Variants in APEH observed in about 807,000 individuals in gnomAD.
The protein encoded by APEH is acylaminoacyl-peptide hydrolase.
A neutral mutation model predicts 102.7 loss-of-function variants in APEH; 75 were observed. That is an observed-to-expected ratio of 0.73 (90% CI 0.61 to 0.89). The LOEUF (loss-of-function observed/expected upper bound fraction) is 0.89. Among genes scored for constraint, APEH ranks in the 40% least tolerant of loss-of-function variants. The pLI, the probability that APEH is intolerant of heterozygous loss-of-function variation, is 0.00. For missense variants in APEH, 863 were observed against 941.2 expected (o/e 0.92, Z 1.09); for synonymous variants, 344 against 362.7 (o/e 0.95, Z 0.59).
At chr3:49,680,382 C>T in intron 13 of APEH, 159 bp from the exon 14 acceptor site, 1 of 628,916 alleles carries the variant, frequency 1.6e-6, no homozygotes, top group South Asian at 1.8e-5. Flanking sequence ...GCAGGAGGCT[C>T]ACCCGGGGCC....
chr3:49,681,786 C>T lies in APEH; in HGVS notation c.1503C>T (p.Pro501=). 6.2e-7 allele frequency: 1 copy of T among 1,611,456 alleles called. No individual in the cohort carries two copies. Among genetic ancestry groups the T allele is most frequent in the Non-Finnish European group, 8.5e-7 (1 of 1,178,262 alleles). The part of the protein sequence containing the change: ...PGSPPDKTQV[P]MVVMPHGGPH... ...GCCCTCCAGATAAGACCCAAGTGCC[C>T]ATGGTGGTCATGCCCCACGGTAGGC... Residue 501 remains proline (P), a synonymous_variant, in exon 16 of 22, where the codon CCC becomes CCT. Transcript: ENST00000296456.
intron 16 of APEH, 39 bp downstream of exon 16, chr3:49,681,844 C>G (rs1157449279): frequency 6.2e-7 from 1 of 1,610,158 alleles, no homozygotes; most frequent in African/African-American, 1.3e-5. Flanking sequence ...CCTCCCAGCC[C>G]TCTTCCTAGC....
At position 49,677,029 on chromosome 3, in the gene APEH, G is replaced by A; in HGVS notation, c.999+5G>A. Reference sequence around the variant, plus strand: ...CAATGCAGCCAGCTGTGCCTGGTGAGCTGGAGGTGGCAGGGATGGGAGGGT... The same window carrying A: ...CAATGCAGCCAGCTGTGCCTGGTGAACTGGAGGTGGCAGGGATGGGAGGGT... On this transcript the variant is annotated splice_donor_5th_base_variant and intron_variant, in intron 10 of 21. Coordinates refer to ENST00000296456, the MANE Select transcript of APEH (RefSeq NM_001640.4). 6.2e-7 allele frequency: 1 copy of A among 1,614,056 alleles called. No individual in the cohort carries two copies. Among genetic ancestry groups the A allele is most frequent in the South Asian group, 1.1e-5 (1 of 91,088 alleles).
chr3:49,674,347 C>A, upstream of APEH: 1 of 1,534,218 alleles, frequency 6.5e-7, no homozygotes. Context: ...CCCCCGGAAG[C>A]CTCACTTCCG....
intron 3 of APEH, 159 bp downstream of exon 3, chr3:49,675,468 G>A (rs533252648): frequency 8.6e-7 from 1 of 1,165,242 alleles, no homozygotes; most frequent in African/African-American, 1.5e-5. Flanking sequence ...GATAAGCACT[G>A]GAAGCTTGCT....
At chr3:49,676,350 C>T in intron 6 of APEH, 28 bp from the exon 7 acceptor site, 5 of 1,613,986 alleles carry the variant, frequency 3.1e-6, no homozygotes, top group Non-Finnish European at 4.2e-6. Context: ...TATAGACAGG[C>T]TGGGCATTGA....
rs777948366 is a variant in APEH, at chr3:49,682,301, C to T, written c.1604-47C>T. On this transcript the variant is annotated intron_variant, in intron 17 of 21. Transcript: ENST00000296456. Reference sequence around the variant, plus strand: ...ATGTGTGAAAAGAGCGTCGAGGGGGCTGGGAATGTTGCCTGACTACACTGT... The same window carrying T: ...ATGTGTGAAAAGAGCGTCGAGGGGGTTGGGAATGTTGCCTGACTACACTGT... The T allele has an allele frequency of 7.6e-5, 116 of 1,533,442 alleles. 1 individual carries two copies. Among genetic ancestry groups the T allele is most frequent in the Non-Finnish European group, 1.0e-4 (113 of 1,114,000 alleles). 95.0% of individuals were successfully genotyped at this position (1,533,442 alleles called of 1,614,324 possible).
At position 49,679,638 on chromosome 3, in the gene APEH, A is replaced by C; in HGVS notation, c.1204A>C (p.Thr402Pro). 1 of 1,613,760 alleles carries C rather than the reference A, an allele frequency of 6.2e-7. No individual in the cohort carries two copies. The highest frequency in any genetic ancestry group is 8.5e-7 in the Non-Finnish European group (1 of 1,179,746). ...DTQVGTVTSLTAGGSGGSWKL... is the reference protein window; with the variant it reads ...DTQVGTVTSLPAGGSGGSWKL... ...CCAAGTGGGCACTGTGACCTCCCTC[A>C]CAGCTGGTGAGCAAGGCTTTGGGGA... The change falls in exon 13 of 22, where the codon ACA (threonine) becomes CCA (proline). Residue 402 changes from threonine (T) to proline (P), a missense_variant. Coordinates refer to ENST00000296456, the MANE Select transcript of APEH (RefSeq NM_001640.4). This position sits in a 1 kb window ranked among gnomAD's most constrained non-coding sequence, Gnocchi z 4.3.
intron 20 of APEH, 25 bp downstream of exon 20, chr3:49,682,970 T>G: frequency 1.2e-6 from 2 of 1,611,526 alleles, no homozygotes; most frequent in Non-Finnish European, 1.7e-6. Context: ...CCTTGCCCTG[T>G]GTGCTGCCCA....
At chr3:49,677,154 G>T (rs992547351) in intron 10 of APEH, 130 bp downstream of exon 10, 4 of 1,339,380 alleles carry the variant, frequency 3.0e-6, no homozygotes, top group South Asian at 2.7e-5. Flanking sequence ...TGCAGCAGCG[G>T]TGTGAGTTCT....
At chr3:49,674,229 T>C, upstream of APEH, 1 of 846,194 alleles carries the variant, frequency 1.2e-6, no homozygotes, top group Non-Finnish European at 1.8e-6. Context: ...CCTCTCACCG[T>C]CAAGGCCCGC....
chr3:49,674,764 C>T (rs2052942687), intron 2 of APEH, 143 bp downstream of exon 2: 3 of 1,201,954 alleles, frequency 2.5e-6, no homozygotes, highest in Non-Finnish European at 2.3e-6. Context: ...TCCCACAGGT[C>T]CCTGCACACA....
rs140712255 is a variant in APEH, at chr3:49,678,924, T to C, written c.1133T>C (p.Phe378Ser). 5.6e-6 allele frequency: 9 copies of C among 1,613,712 alleles called. No individual in the cohort carries two copies. The highest frequency in any genetic ancestry group is 5.3e-5 in the African/African-American group (4 of 74,908). Residue 378 changes from phenylalanine to serine, a missense_variant, in exon 12 of 22, where the codon TTT becomes TCT. By Grantham distance (155) the Phe-to-Ser change is radical. Transcript: ENST00000296456. ...CWSADSQRVV[F>S]DSAQRSRQDL... ...TCAGCTGACAGCCAGAGAGTGGTCT[T>C]TGACTCGGCTCAGCGCAGCCGGCAG...
At chr3:49,673,422 C>T (rs557373823), upstream of APEH, among the ~76,000 whole-genome samples, 23 of 152,248 alleles carry the variant, frequency 1.5e-4, no homozygotes, top group African/African-American at 5.3e-4. Context: ...GCCTTTCACA[C>T]CCAAGAGCTC....
Position 49,676,859 on chromosome 3 carries a change from G to C in APEH, c.877+42G>C, listed in dbSNP as rs112959355. On this transcript the variant is annotated intron_variant, in intron 9 of 21. Transcript: ENST00000296456. ...CACCTGTGCTTTGCTGACACATGTT[G>C]GCCCTGCCAGCCTGCGTGATGCTCA... 15 of 1,614,236 alleles carry C rather than the reference G, an allele frequency of 9.3e-6. 1 individual carries two copies. The African/African-American group carries it at 1.3e-4, about 14-fold the overall frequency.
At chr3:49,675,536 C>A in intron 3 of APEH, 158 bp from the exon 4 acceptor site, 1 of 966,458 alleles carries the variant, frequency 1.0e-6, no homozygotes, top group Non-Finnish European at 1.6e-6. Context: ...AGAGTAGAGT[C>A]TCTGCCTCAG....
chr3:49,676,983 C>T lies in APEH; in HGVS notation c.958C>T (p.Pro320Ser). 1 of 1,614,152 alleles carries T rather than the reference C, an allele frequency of 6.2e-7. No homozygotes were observed. Among genetic ancestry groups the T allele is most frequent in the South Asian group, 1.1e-5 (1 of 91,086 alleles). The change falls in exon 10 of 22, where the codon CCA (proline) becomes TCA (serine). Residue 320 changes from proline (P) to serine (S), a missense_variant. Transcript: ENST00000296456. Reference protein sequence around the residue: ...DQCRIVYLQYPSLIPHHQCSQ... With the variant: ...DQCRIVYLQYSSLIPHHQCSQ... ...ATGTCGCATTGTCTACCTGCAGTAC[C>T]CATCTCTGATCCCCCATCACCAATG...
rs1198962950 is a variant in APEH, at chr3:49,674,431, G to C, written c.12+18G>C. 40 of 1,570,758 alleles carry C rather than the reference G, an allele frequency of 2.5e-5. No individual in the cohort carries two copies. Among genetic ancestry groups the C allele is most frequent in the Non-Finnish European group, 3.2e-5 (37 of 1,164,736 alleles). ...AACGTCAGGTGAGGGCTCGGCCCGCGGTCCCCGTGGTCCCTGCAGCCCGGG... is the reference window on the plus strand; with the variant it reads ...AACGTCAGGTGAGGGCTCGGCCCGCCGTCCCCGTGGTCCCTGCAGCCCGGG... On this transcript the variant is annotated intron_variant, in intron 1 of 21. Transcript: ENST00000296456.
chr3:49,674,533 C>T lies in APEH; in HGVS notation c.57C>T (p.Gly19=), dbSNP rs1421140810. ...EPEEAAALYR[G]LSRQPALSAA... is the part of the protein sequence containing the mutation. ...AGGAGGCGGCGGCTCTGTATCGGGG[C>T]CTTAGCCGCCAGCCCGCGCTGAGCG... Residue 19 remains glycine, a synonymous_variant, in exon 2 of 22, where the codon GGC becomes GGT. Coordinates refer to ENST00000296456, the MANE Select transcript of APEH (RefSeq NM_001640.4). 2 of 1,566,142 alleles carry T rather than the reference C, an allele frequency of 1.3e-6. No homozygotes were observed. The highest frequency in any genetic ancestry group is 1.9e-5 in the Admixed American group (1 of 53,830).
Sources: gnomAD v4.1 joint callset for allele counts (sites outside exome capture counted in the v4.1 genomes callset) on GRCh38, gnomAD v4.1.1 for gene constraint, Gnocchi (gnomAD v3.1) non-coding constraint, MANE v1.5 for transcripts, NCBI Gene and HGNC (gene_info 2026-07-23, HGNC 2026-07-21) for gene names.